The following LYST variants were observed in gnomAD, a reference collection of about 807,000 sequenced individuals.
LYST encodes lysosomal trafficking regulator, also known as lysosomal-trafficking regulator.
Under a neutral mutation model 413.6 loss-of-function variants are expected in LYST, and 192 were observed. The observed-to-expected ratio is 0.46, with a 90% CI of 0.41 to 0.52. The LOEUF is 0.52. Ranked by LOEUF, LYST falls within the 20% of genes least tolerant of loss-of-function variation. The pLI, the probability that LYST is intolerant of heterozygous loss-of-function variation, is 0.00. For synonymous variants in LYST, 1,525 were observed against 1,567.3 expected, an observed-to-expected ratio of 0.97 and a Z score of 0.64; for missense variants, 3,815 against 4,499.9, an observed-to-expected ratio of 0.85 and a Z score of 4.35.
rs930582792 is a variant in LYST, at chr1:235,712,500, C to T, written c.9785-303G>A. The T allele has an allele frequency of 5.9e-5, 40 of 683,578 alleles. No homozygotes were observed. The African/African-American group carries it at 6.2e-4, about 11-fold the overall frequency. 42.3% of individuals were successfully genotyped at this position (683,578 alleles called of 1,614,324 possible). A position where few individuals can be genotyped will look rare whatever the true frequency, so the allele number is the denominator to read the frequency against. ...GAATGAAAGTTCCACAAAAACAGGG[C>T]CCTGGGATATCACCCACACCTTGCA... On this transcript the variant is annotated intron_variant, in intron 42 of 52. Transcript: ENST00000389793.
At chr1:235,866,513 GC>G (rs1203625833) in intron 1 of LYST, among the ~76,000 whole-genome samples, 1 of 152,192 alleles carries the variant, frequency 6.6e-6, no homozygotes, top group Non-Finnish European at 1.5e-5. Flanking sequence ...GCTCGACCTC[GC>G]CCCCCGCGCG....
At chr1:235,695,083 T>C (rs1387593045) in intron 46 of LYST, among the ~76,000 whole-genome samples, 1 of 152,210 alleles carries the variant, frequency 6.6e-6, no homozygotes, top group Non-Finnish European at 1.5e-5. Context: ...TTGCTGGGTC[T>C]AGTGTTGAGT....
At chr1:235,763,409 C>G (rs1476250289) in intron 21 of LYST, among the ~76,000 whole-genome samples, 1 of 136,048 alleles carries the variant, frequency 7.4e-6, no homozygotes, top group African/African-American at 2.4e-5. Context: ...CCCTTGACCA[C>G]TACCTTTCCT....
In LYST at chr1:235,810,289, T is replaced by C; in HGVS notation, c.529A>G (p.Ile177Val). ...GGCCTTCTATGCTTATTCATTGCTA[T>C]GCCTTTTTCATCTGAATTGGCTTCT... ...DSEANSDEKGIAMNKHRRPHL... is the reference protein window; with the variant it reads ...DSEANSDEKGVAMNKHRRPHL... The change falls in exon 5 of 53, where the codon ATA (isoleucine) becomes GTA (valine). Residue 177 changes from isoleucine to valine, a missense_variant. Around this residue, in one of 4 missense-constraint regions of LYST, gnomAD observed 1,648 missense variants for 1,810.3 expected, o/e 0.91. Coordinates refer to ENST00000389793, the MANE Select transcript of LYST (RefSeq NM_000081.4). 6.2e-7 allele frequency: 1 copy of C among 1,614,176 alleles called. No homozygotes were observed. Among genetic ancestry groups the C allele is most frequent in the South Asian group, 1.1e-5 (1 of 91,086 alleles).
At chr1:235,777,378 G>A in intron 16 of LYST, 70 bp from the exon 17 acceptor site, 1 of 1,335,054 alleles carries the variant, frequency 7.5e-7, no homozygotes, top group Non-Finnish European at 1.1e-6. Context: ...TAGCAAGTAA[G>A]TATTTCAAAG....
chr1:235,709,280 A>G lies in LYST; in HGVS notation c.9954T>C (p.Gly3318=), dbSNP rs1393197628. 1 of 1,614,028 alleles carries G rather than the reference A, an allele frequency of 6.2e-7. No homozygotes were observed. Among genetic ancestry groups the G allele is most frequent in the South Asian group, 1.1e-5 (1 of 91,070 alleles). The stretch of plus-strand genomic sequence containing the variant: ...GAAGGTTGACGTGATTAACCCGTTC[A>G]CCATTCTGACGCACACCAAAATCAA... ...EGFDFGVRQN[G]ERVNHVNLPP... The change falls in exon 44 of 53, where the codon GGT becomes GGC. Residue 3318 remains glycine, a synonymous_variant. Transcript: ENST00000389793.
At chr1:235,670,935 A>C (rs1185049218) in intron 50 of LYST, among the ~76,000 whole-genome samples, 3 of 152,228 alleles carry the variant, frequency 2.0e-5, no homozygotes, top group Admixed American at 2.0e-4. Context: ...ACAAAGAGCA[A>C]AGCAGATAAT....
At chr1:235,705,329 G>GA (rs1661891443) in intron 44 of LYST, among the ~76,000 whole-genome samples, 2 of 151,560 alleles carry the variant, frequency 1.3e-5, no homozygotes, top group Non-Finnish European at 2.9e-5. Flanking sequence ...AAGAATTAGT[G>GA]AAAAAAAATT....
At chr1:235,763,582 C>T (rs1257823787) in intron 21 of LYST, among the ~76,000 whole-genome samples, 3 of 152,010 alleles carry the variant, frequency 2.0e-5, no homozygotes, top group African/African-American at 7.2e-5. Flanking sequence ...TCCCGAGTAG[C>T]TGGGATTACA....
At position 235,781,918 on chromosome 1, in the gene LYST, C is replaced by T. The variant is rs1669911759; in HGVS notation, c.5023+9G>A. On this transcript the variant is annotated intron_variant, in intron 15 of 52. Transcript: ENST00000389793. ...CTGAAGTGCAGTGGTGCAATCATAGCTCACTCACCGTTGAAGAGAAGCAAA... is the reference window on the plus strand; with the variant it reads ...CTGAAGTGCAGTGGTGCAATCATAGTTCACTCACCGTTGAAGAGAAGCAAA... 1.3e-6 allele frequency: 2 copies of T among 1,588,570 alleles called. No individual in the cohort carries two copies. The highest frequency in any genetic ancestry group is 1.7e-6 in the Non-Finnish European group (2 of 1,156,902).
chr1:235,797,234 G>A (rs1572288241), intron 10 of LYST, among the ~76,000 whole-genome samples: 1 of 152,074 alleles, frequency 6.6e-6, no homozygotes, highest in East Asian at 1.9e-4. Context: ...ACTGATGAAT[G>A]GATAAATCAA....
Position 235,709,238 on chromosome 1 carries a change from A to T in LYST, c.9996T>A (p.Asn3332Lys). ...GGATGAGGATAAAAAGACGAGGATC[A>T]TTACGCGCCCAAGGGGGAAGGTTGA... ...NHVNLPPWAR[N>K]DPRLFILIHR... The change falls in exon 44 of 53, where the codon AAT becomes AAA. Residue 3332 changes from asparagine to lysine, a missense_variant. Physicochemically the swap from Asn to Lys is moderately conservative, Grantham distance 94. Around this residue, in one of 4 missense-constraint regions of LYST, gnomAD observed 866 missense variants for 1,156.0 expected, o/e 0.75. Coordinates refer to ENST00000389793, the MANE Select transcript of LYST (RefSeq NM_000081.4). 6.2e-7 allele frequency: 1 copy of T among 1,614,180 alleles called. No individual in the cohort carries two copies. The highest frequency in any genetic ancestry group is 8.5e-7 in the Non-Finnish European group (1 of 1,180,030).
At chr1:235,877,024 C>T (rs1681168019) in intron 1 of LYST, among the ~76,000 whole-genome samples, 1 of 152,180 alleles carries the variant, frequency 6.6e-6, no homozygotes, top group African/African-American at 2.4e-5. Context: ...GTCTGGCATC[C>T]AGATTTGCTC....
chr1:235,768,512 C>T (rs1373601094), intron 20 of LYST, among the ~76,000 whole-genome samples: 1 of 151,970 alleles, frequency 6.6e-6, no homozygotes, highest in African/African-American at 2.4e-5. Flanking sequence ...ATAAACTTCC[C>T]ACAATACCTG....
At chr1:235,737,937 TGCCCCAA>T in intron 31 of LYST, 1 of 1,191,974 alleles carries the variant, frequency 8.4e-7, no homozygotes. Context: ...CACTGCCGCG[TGCCCCAA>T]CACCCGCCGG....
chr1:235,741,720 C>A, intron 30 of LYST, 92 bp from the exon 31 acceptor site: 1 of 916,968 alleles, frequency 1.1e-6, no homozygotes, highest in Non-Finnish European at 1.8e-6. Flanking sequence ...GATTATGGAA[C>A]ACGTTTTATT....
In LYST at chr1:235,809,518, G is replaced by A; in HGVS notation, c.1300C>T (p.Gln434Ter). ...AATCCATGATGCTGAATGAATTCTT[G>A]AACCAAATCCATGGCTTGACTGAAG... ...FYFSQAMDLV[Q>*]EFIQHHGFNL... The change falls in exon 5 of 53, where the codon CAA (glutamine) becomes TAA (stop). Residue 434 changes from glutamine to a stop codon, truncating the protein, a stop_gained. Coordinates refer to ENST00000389793, the MANE Select transcript of LYST (RefSeq NM_000081.4). LOFTEE classifies it high-confidence loss of function. The surrounding 1 kb of genome is among the most constrained non-coding windows in gnomAD (Gnocchi z 4.0). 6.2e-7 allele frequency: 1 copy of A among 1,614,016 alleles called. No individual in the cohort carries two copies. The highest frequency in any genetic ancestry group is 8.5e-7 in the Non-Finnish European group (1 of 1,179,974).
At position 235,759,324 on chromosome 1, in the gene LYST, T is replaced by C. The variant is rs746642163; in HGVS notation, c.6529A>G (p.Met2177Val). Reference protein sequence around the residue: ...SCESAKTVCEMEAVLSAQVSV... With the variant: ...SCESAKTVCEVEAVLSAQVSV... ...ACCTGGGCTGAGAGGACAGCTTCCA[T>C]TTCACAAACAGTTTTTGCAGACTCA... Residue 2177 changes from methionine (M) to valine (V), a missense_variant, in exon 23 of 53, where the codon ATG becomes GTG. By Grantham distance (21) the Met-to-Val change is conservative. This residue lies in a region of LYST where 771 missense variants were observed against 837.1 expected (regional missense o/e 0.92). Transcript: ENST00000389793. The C allele has an allele frequency of 6.2e-7, 1 of 1,614,194 alleles. No homozygotes were observed. Among genetic ancestry groups the C allele is most frequent in the South Asian group, 1.1e-5 (1 of 91,086 alleles).
At chr1:235,729,477 T>C (rs987133213) in intron 37 of LYST, 119 bp downstream of exon 37, 5 of 726,158 alleles carry the variant, frequency 6.9e-6, no homozygotes, top group Middle Eastern at 3.6e-4. Context: ...AATTAGCCTA[T>C]ATGATACTAC....
Sources: gnomAD v4.1 joint callset for allele counts (sites outside exome capture counted in the v4.1 genomes callset) on GRCh38, gnomAD v4.1.1 for gene constraint, gnomAD v4.1.1 regional missense constraint, Gnocchi (gnomAD v3.1) non-coding constraint, MANE v1.5 for transcripts, NCBI Gene and HGNC (gene_info 2026-07-23, HGNC 2026-07-21) for gene names.